IQGAP2: variants seen among roughly 807,000 people sequenced by gnomAD.
IQGAP2 encodes the protein ras GTPase-activating-like protein IQGAP2.
A neutral mutation model predicts 201.3 loss-of-function variants in IQGAP2; 173 were observed. That is an observed-to-expected ratio of 0.86 (90% CI 0.76 to 0.98). The LOEUF (loss-of-function observed/expected upper bound fraction) is 0.98, where lower values mean the gene tolerates loss of function less well. Among genes scored for constraint, IQGAP2 ranks in the 50% least tolerant of loss-of-function variants. IQGAP2 has a pLI of 0.00. For missense variants in IQGAP2, 1,687 were observed against 1,864.8 expected, an observed-to-expected ratio of 0.90 and a Z score of 1.76; for synonymous variants, 675 against 673.9, an observed-to-expected ratio of 1.00 and a Z score of -0.03.
intron 2 of IQGAP2, among the ~76,000 whole-genome samples, chr5:76,515,810 G>T (rs1758279508): frequency 6.6e-6 from 1 of 151,008 alleles, no homozygotes; most frequent in South Asian, 2.1e-4. Flanking sequence ...AAAAATATCA[G>T]CAGGAAAGTC....
chr5:76,619,232 A>C (rs1469864112), intron 13 of IQGAP2, among the ~76,000 whole-genome samples: 1 of 152,226 alleles, frequency 6.6e-6, no homozygotes, highest in East Asian at 1.9e-4. Context: ...GAAGATGCAT[A>C]AAAATGCATT....
At chr5:76,432,764 T>A (rs1752445281) in intron 1 of IQGAP2, among the ~76,000 whole-genome samples, 1 of 152,120 alleles carries the variant, frequency 6.6e-6, no homozygotes, top group East Asian at 1.9e-4. Context: ...ATAAAATAAG[T>A]GATTATGAGA....
In IQGAP2 at chr5:76,570,785, A is replaced by C. The variant is rs1231931297; in HGVS notation, c.381+128A>C. ...GAAATGAGAAATGTGAGGACTAAAA[A>C]ACATGGAAAGACCTATCCAAAGTAA... On this transcript the variant is annotated intron_variant, in intron 4 of 35. Transcript: ENST00000274364. 2.9e-5 allele frequency: 20 copies of C among 682,796 alleles called. No homozygotes were observed. The Admixed American group carries it at 5.4e-4, about 18-fold the overall frequency. 42.3% of individuals were successfully genotyped at this position (682,796 alleles called of 1,614,324 possible). A position where few individuals can be genotyped will look rare whatever the true frequency, so the allele number is the denominator to read the frequency against.
chr5:76,496,291 G>T (rs187953098), intron 2 of IQGAP2, among the ~76,000 whole-genome samples: 86 of 152,272 alleles, frequency 5.6e-4, no homozygotes, highest in Admixed American at 2.1e-3. Context: ...TTAAAGTGTT[G>T]ACTGGGACTG....
intron 2 of IQGAP2, among the ~76,000 whole-genome samples, chr5:76,466,729 A>G (rs749319788): frequency 1.3e-5 from 2 of 152,256 alleles, no homozygotes; most frequent in Non-Finnish European, 2.9e-5. Context: ...CCTAAATGTG[A>G]GAGCCACAAC....
intron 8 of IQGAP2, among the ~76,000 whole-genome samples, chr5:76,591,299 G>A (rs1746630953): frequency 6.6e-6 from 1 of 152,188 alleles, no homozygotes; most frequent in Admixed American, 6.5e-5. Flanking sequence ...GAAGTTCAGA[G>A]AGGATGTTTT....
intron 3 of IQGAP2, among the ~76,000 whole-genome samples, chr5:76,569,694 T>C (rs1363613865): frequency 1.3e-5 from 2 of 152,270 alleles, no homozygotes; most frequent in African/African-American, 2.4e-5. Flanking sequence ...TATCTACTAC[T>C]GAATGTTAGT....
At position 76,597,497 on chromosome 5, in the gene IQGAP2, G is replaced by T. The variant is rs898025901; in HGVS notation, c.966G>T (p.Thr322=). Residue 322 remains threonine (T), a synonymous_variant, in exon 10 of 36, where the codon ACG becomes ACT. Coordinates refer to ENST00000274364, the MANE Select transcript of IQGAP2 (RefSeq NM_006633.5). ...AVIPEGDPEN[T]LLALKKPEAQ... is the part of the protein sequence containing the mutation. ...TTCCGGAAGGTGACCCCGAGAATAC[G>T]CTGCTTGCACTGAAGAAACCAGAGG... is the stretch of plus-strand genomic sequence containing the variant. 6.2e-7 allele frequency: 1 copy of T among 1,613,932 alleles called. No individual in the cohort carries two copies. Among genetic ancestry groups the T allele is most frequent in the Non-Finnish European group, 8.5e-7 (1 of 1,179,950 alleles).
Position 76,559,564 on chromosome 5 carries a change from C to T in IQGAP2, c.147-2832C>T, listed in dbSNP as rs1744190987. ...GTGAGCCCCAGAGGCCCACTGTCTT[C>T]CCTGGGTTTTCTTCGTGAGTCAGCC... On this transcript the variant is annotated intron_variant, in intron 2 of 35. Transcript: ENST00000274364. 3.9e-5 allele frequency among the ~76,000 whole-genome samples: 6 copies of T among 152,154 alleles called. 1 individual carries two copies. In the South Asian group the frequency reaches 1.2e-3, roughly 32 times the overall value.
intron 30 of IQGAP2, among the ~76,000 whole-genome samples, chr5:76,685,294 G>T (rs1745637754): frequency 6.6e-6 from 1 of 152,154 alleles, no homozygotes; most frequent in South Asian, 2.1e-4. Flanking sequence ...TGGAAATACA[G>T]ATTGTGTGGT....
Position 76,599,126 on chromosome 5 carries a change from A to C in IQGAP2, c.1071+1524A>C, listed in dbSNP as rs184170781. Among the ~76,000 whole-genome samples the C allele has an allele frequency of 1.8e-4, 28 of 152,244 alleles. No individual in the cohort carries two copies. The East Asian group carries it at 5.4e-3, about 29-fold the overall frequency. On this transcript the variant is annotated intron_variant, in intron 10 of 35. Transcript: ENST00000274364. Reference sequence around the variant, plus strand: ...GCTGAGTGTGGTAGTTCCTGTCTGTAATCTTAGCACTTTGGGAGGCTGAGA... The same window carrying C: ...GCTGAGTGTGGTAGTTCCTGTCTGTCATCTTAGCACTTTGGGAGGCTGAGA...
Position 76,403,528 on chromosome 5 carries a change from C to T in IQGAP2, c.-18C>T, listed in dbSNP as rs746002729. On this transcript the variant is annotated 5_prime_UTR_variant, in exon 1 of 36. Transcript: ENST00000274364. The surrounding 1 kb of genome is among the most constrained non-coding windows in gnomAD (Gnocchi z 4.8). ...CCGCGGGGGGCGCGCCCCGGGCGGG[C>T]CCCCGGAGACGCGCAGGATGCCACA... is the stretch of plus-strand genomic sequence containing the variant. 3 of 1,488,746 alleles carry T rather than the reference C, an allele frequency of 2.0e-6. No individual in the cohort carries two copies. Among genetic ancestry groups the T allele is most frequent in the Admixed American group, 4.7e-5 (2 of 42,866 alleles). The allele number at this position is 1,488,746 out of a possible 1,614,324, so 92.2% of individuals were successfully genotyped here.
intron 4 of IQGAP2, among the ~76,000 whole-genome samples, chr5:76,574,004 G>A (rs1745299648): frequency 6.6e-6 from 1 of 151,932 alleles, no homozygotes; most frequent in Non-Finnish European, 1.5e-5. Flanking sequence ...TTAGGCTACT[G>A]CCATTTCTTT....
intron 2 of IQGAP2, among the ~76,000 whole-genome samples, chr5:76,516,064 CG>C (rs996127067): frequency 6.6e-6 from 1 of 151,624 alleles, no homozygotes; most frequent in African/African-American, 2.4e-5. Context: ...TTTACAGAGA[CG>C]GGGTTTTGCC....
chr5:76,471,386 A>G (rs1310114981), intron 2 of IQGAP2, among the ~76,000 whole-genome samples: 2 of 136,810 alleles, frequency 1.5e-5, no homozygotes, highest in African/African-American at 2.7e-5. Flanking sequence ...AAAAAAAAAA[A>G]CACCCTTCCC....
chr5:76,540,265 T>G (rs1742674443), intron 2 of IQGAP2, among the ~76,000 whole-genome samples: 1 of 152,256 alleles, frequency 6.6e-6, no homozygotes, highest in Non-Finnish European at 1.5e-5. Flanking sequence ...TCAGGTAATC[T>G]ATTTCATTGT....
chr5:76,446,704 G>T lies in IQGAP2; in HGVS notation c.47-14866G>T, dbSNP rs552909905. Reference sequence around the variant, plus strand: ...TTCGTTTAGAACCAAATGGCTTTTTGGTTTATGTACTGCAGTGTGTAAAAA... The same window carrying T: ...TTCGTTTAGAACCAAATGGCTTTTTTGTTTATGTACTGCAGTGTGTAAAAA... On this transcript the variant is annotated intron_variant, in intron 1 of 35. Transcript: ENST00000274364. Among the ~76,000 whole-genome samples the T allele has an allele frequency of 2.6e-5, 4 of 152,210 alleles. No homozygotes were observed. In the South Asian group the frequency reaches 6.2e-4, roughly 24 times the overall value.
intron 11 of IQGAP2, among the ~76,000 whole-genome samples, chr5:76,605,516 G>T (rs1247100928): frequency 6.6e-6 from 1 of 152,114 alleles, no homozygotes; most frequent in Admixed American, 6.6e-5. Context: ...TTGAGTATTG[G>T]CTAGGAGCCT....
chr5:76,445,128 A>G (rs1279879390), intron 1 of IQGAP2, among the ~76,000 whole-genome samples: 1 of 152,230 alleles, frequency 6.6e-6, no homozygotes, highest in African/African-American at 2.4e-5. Flanking sequence ...TTCCAGTGGC[A>G]TGTGAGCAAT....
Sources: allele counts gnomAD v4.1 joint callset (sites outside exome capture counted in the v4.1 genomes callset), GRCh38; gene constraint gnomAD v4.1.1; non-coding constraint Gnocchi (gnomAD v3.1); transcripts MANE v1.5; gene names NCBI Gene and HGNC (gene_info 2026-07-23, HGNC 2026-07-21).